POC1B: variants seen among roughly 807,000 people sequenced by gnomAD.
The protein encoded by POC1B is POC1 centriolar protein homolog B.
Under a neutral mutation model 60.6 loss-of-function variants are expected in POC1B, and 44 were observed. The observed-to-expected ratio is 0.73, with a 90% CI of 0.57 to 0.93. The LOEUF is 0.93. Ranked by LOEUF, POC1B falls within the 40% of genes least tolerant of loss-of-function variation. POC1B has a pLI of 0.00. For missense variants in POC1B, 555 were observed against 572.3 expected (o/e 0.97, Z 0.31); for synonymous variants, 180 against 198.9 (o/e 0.90, Z 0.80).
the POC1B span, among the ~76,000 whole-genome samples, chr12:89,414,054 G>T: frequency 2.6e-5 from 4 of 151,978 alleles, no homozygotes; most frequent in African/African-American, 9.7e-5. Flanking sequence ...ATCATGCCCG[G>T]CTAATTTTTT....
At chr12:89,501,446 A>G in intron 2 of POC1B, 2 of 959,002 alleles carry the variant, frequency 2.1e-6, no homozygotes, top group Admixed American at 2.0e-5. Context: ...CATATGTCAC[A>G]TATTACCCAA....
At chr12:89,429,382 T>A (rs1880927345) in intron 10 of POC1B, 1 of 152,030 alleles carries the variant, frequency 6.6e-6, no homozygotes, top group African/African-American at 2.4e-5. Context: ...AGGAGAAAAG[T>A]GAGATGCACA....
intron 4 of POC1B, among the ~76,000 whole-genome samples, chr12:89,472,883 A>G (rs1882957425): frequency 6.6e-6 from 1 of 152,234 alleles, no homozygotes. Context: ...GGAGAAATCT[A>G]TCATCCACAC....
chr12:89,406,962 A>G, the POC1B span, among the ~76,000 whole-genome samples: 2 of 1,684 alleles, frequency 1.2e-3, no homozygotes, highest in African/African-American at 6.2e-3. Flanking sequence ...CCTGGCCAAC[A>G]TGCCGAAACC....
intron 2 of POC1B, chr12:89,523,422 T>A (rs372420331): frequency 4.3e-6 from 7 of 1,613,916 alleles, no homozygotes; most frequent in Non-Finnish European, 5.9e-6. Context: ...CAGTATTCTG[T>A]AGGAAATTGG....
the POC1B span, among the ~76,000 whole-genome samples, chr12:89,412,656 G>A: frequency 1.4e-5 from 2 of 147,348 alleles, no homozygotes; most frequent in African/African-American, 5.1e-5. Context: ...CAGCCTGGGC[G>A]ACAGAGTAAG....
the POC1B span, among the ~76,000 whole-genome samples, chr12:89,409,478 C>T: frequency 2.5e-4 from 38 of 152,126 alleles, no homozygotes; most frequent in African/African-American, 8.2e-4. Context: ...TTCCATTGGT[C>T]TATATATCTG....
chr12:89,411,546 G>A, the POC1B span, among the ~76,000 whole-genome samples: 6 of 152,288 alleles, frequency 3.9e-5, no homozygotes, highest in South Asian at 1.2e-3. Context: ...TATTTTTCAG[G>A]ATCACATATG....
At chr12:89,517,683 T>C (rs1456834168) in intron 2 of POC1B, among the ~76,000 whole-genome samples, 3 of 152,124 alleles carry the variant, frequency 2.0e-5, no homozygotes, top group African/African-American at 4.8e-5. Flanking sequence ...CAGCTTTGAC[T>C]ATTTTCCTTT....
At chr12:89,445,908 C>G (rs539678396) in intron 10 of POC1B, among the ~76,000 whole-genome samples, 1 of 152,090 alleles carries the variant, frequency 6.6e-6, no homozygotes, top group South Asian at 2.1e-4. Context: ...AACAAATTTA[C>G]AAGAAAAAAA....
Position 89,425,347 on chromosome 12 carries a change from G to C in POC1B, c.1146C>G (p.Asp382Glu), listed in dbSNP as rs927341585. The C allele has an allele frequency of 6.2e-7, 1 of 1,614,092 alleles. No homozygotes were observed. Reference protein sequence around the residue: ...TTETSGRTLPDKGEEACGYFL... With the variant: ...TTETSGRTLPEKGEEACGYFL... ...AATATCCACAGGCCTCTTCACCCTTGTCTGGCAGAGTCCTACCACTGGTTT... is the reference window on the plus strand; with the variant it reads ...AATATCCACAGGCCTCTTCACCCTTCTCTGGCAGAGTCCTACCACTGGTTT... Residue 382 changes from aspartate to glutamate, a missense_variant, in exon 11 of 12, where the codon GAC (aspartate) becomes GAG (glutamate). Coordinates refer to ENST00000313546, the MANE Select transcript of POC1B (RefSeq NM_172240.3).
intron 2 of POC1B, 43 bp downstream of exon 2, chr12:89,525,077 G>A (rs367825087): frequency 3.1e-6 from 5 of 1,612,800 alleles, no homozygotes; most frequent in Non-Finnish European, 4.2e-6. Flanking sequence ...CCGGCCCATG[G>A]AGTTTAGTCT....
intron 11 of POC1B, 105 bp downstream of exon 11, chr12:89,425,056 T>G (rs1411105240): frequency 8.6e-7 from 1 of 1,158,920 alleles, no homozygotes; most frequent in East Asian, 2.4e-5. Context: ...TTTGCTAGTA[T>G]AGAGAAATCT....
intron 2 of POC1B, among the ~76,000 whole-genome samples, chr12:89,516,652 A>G (rs1394833918): frequency 6.6e-6 from 1 of 152,218 alleles, no homozygotes; most frequent in Non-Finnish European, 1.5e-5. Flanking sequence ...GCTGTAACAA[A>G]TTACCATAAA....
At position 89,522,772 on chromosome 12, in the gene POC1B, T is replaced by C. The variant is rs771072639; in HGVS notation, c.100+2348A>G. 5.2e-6 allele frequency: 8 copies of C among 1,524,496 alleles called. No homozygotes were observed. In the South Asian group the frequency reaches 6.7e-5, roughly 13 times the overall value. 94.4% of individuals were successfully genotyped at this position (1,524,496 alleles called of 1,614,324 possible). On this transcript the variant is annotated intron_variant, in intron 2 of 11. Transcript: ENST00000313546. ...AGGCTCTTAAGGCTCTTTGACTTTC[T>C]TGACACTACTGTCAGCTCATGACGA...
At chr12:89,468,538 T>C (rs181162905) in intron 7 of POC1B, among the ~76,000 whole-genome samples, 149 of 152,362 alleles carry the variant, frequency 9.8e-4, no homozygotes, top group African/African-American at 3.4e-3. Context: ...TATTAATAGC[T>C]TCATAAACAC....
chr12:89,431,474 C>T (rs1025285017), intron 10 of POC1B, among the ~76,000 whole-genome samples: 3 of 151,988 alleles, frequency 2.0e-5, no homozygotes, highest in Non-Finnish European at 2.9e-5. Flanking sequence ...CACACACACA[C>T]GTATGTATAA....
the POC1B span, among the ~76,000 whole-genome samples, chr12:89,408,486 GTTT>G: frequency 1.5e-5 from 2 of 136,302 alleles, no homozygotes; most frequent in Admixed American, 7.4e-5. Context: ...CTGACTTCTG[GTTT>G]TTTTTTTTTT....
intron 10 of POC1B, among the ~76,000 whole-genome samples, chr12:89,451,878 C>T (rs1882055957): frequency 6.6e-6 from 1 of 152,140 alleles, no homozygotes; most frequent in African/African-American, 2.4e-5. Context: ...AAGCTAAGTT[C>T]ACTATTTTCC....
Sources: allele counts gnomAD v4.1 joint callset (sites outside exome capture counted in the v4.1 genomes callset), GRCh38; gene constraint gnomAD v4.1.1; transcripts MANE v1.5; gene names NCBI Gene and HGNC (gene_info 2026-07-23, HGNC 2026-07-21).